The following SNX29 variants were observed in gnomAD, a reference collection of about 807,000 sequenced individuals.
The protein encoded by SNX29 is sorting nexin 29, also known as sorting nexin-29.
SNX29 carries 78 observed loss-of-function variants against 102.1 expected under a neutral mutation model. The observed-to-expected ratio is 0.76, with a 90% CI of 0.64 to 0.92. The LOEUF (loss-of-function observed/expected upper bound fraction) is 0.92, where lower values mean the gene tolerates loss of function less well. Among genes scored for constraint, SNX29 ranks in the 40% least tolerant of loss-of-function variants. The probability of loss-of-function intolerance (pLI) is 0.00; values close to 1 mark genes in which losing one functional copy is unlikely to be tolerated. For missense variants in SNX29, 1,280 were observed against 1,061.7 expected (o/e 1.21, Z -2.86); for synonymous variants, 580 against 414.5 (o/e 1.40, Z -4.85).
chr16:12,366,042 C>CAAAAAAAAAAAAAAA (rs55895030), intron 16 of SNX29, among the ~76,000 whole-genome samples: 2 of 72,396 alleles, frequency 2.8e-5, no homozygotes, highest in African/African-American at 4.5e-5. Flanking sequence ...ACTCTTGTCT[C>CAAAAAAAAAAAAAAA]AAAAAAAAAA....
At chr16:12,032,688 A>G (rs577093397) in intron 4 of SNX29, among the ~76,000 whole-genome samples, 1 of 152,250 alleles carries the variant, frequency 6.6e-6, no homozygotes, top group East Asian at 1.9e-4. Flanking sequence ...GCATACACCC[A>G]GAAGGACAAT....
At chr16:12,055,483 A>G (rs1201032737) in intron 8 of SNX29, among the ~76,000 whole-genome samples, 1 of 151,996 alleles carries the variant, frequency 6.6e-6, no homozygotes, top group Non-Finnish European at 1.5e-5. Flanking sequence ...CACCCACCTC[A>G]GCCTCCCAGA....
chr16:12,281,428 C>T (rs1159848586), intron 15 of SNX29, among the ~76,000 whole-genome samples: 2 of 152,130 alleles, frequency 1.3e-5, no homozygotes, highest in African/African-American at 2.4e-5. Flanking sequence ...GCCATAAAGC[C>T]CTCTTTAAAT....
chr16:12,531,730 A>T lies in SNX29; in HGVS notation c.2318+6889A>T, dbSNP rs115955584. On this transcript the variant is annotated intron_variant, in intron 20 of 20. Transcript: ENST00000566228. ...GGAGGGGAAGCCCGCTTGGGAGCAG[A>T]TGAGATGAAAAGGAAGCATTGGGGT... Among the ~76,000 whole-genome samples, 1,409 of 152,262 alleles carry T rather than the reference A, an allele frequency of 9.3e-3. 15 individuals carry two copies. The highest frequency in any genetic ancestry group is 0.032 in the African/African-American group (1,319 of 41,536).
intron 20 of SNX29, among the ~76,000 whole-genome samples, chr16:12,567,387 G>T (rs1228476552): frequency 6.6e-6 from 1 of 152,152 alleles, no homozygotes; most frequent in Admixed American, 6.5e-5. Flanking sequence ...ATCCCAGTGA[G>T]GTATTTACTT....
chr16:12,493,748 C>T (rs182801840), intron 19 of SNX29, among the ~76,000 whole-genome samples: 35 of 152,286 alleles, frequency 2.3e-4, no homozygotes, highest in East Asian at 1.4e-3. Context: ...CATGCCACCA[C>T]GCCCAACTAA....
chr16:12,062,717 T>C (rs978446388), intron 9 of SNX29, among the ~76,000 whole-genome samples: 1 of 152,184 alleles, frequency 6.6e-6, no homozygotes, highest in African/African-American at 2.4e-5. Flanking sequence ...ATTTAGGAAA[T>C]TATGACTGGA....
intron 16 of SNX29, among the ~76,000 whole-genome samples, chr16:12,384,217 T>G (rs1392050982): frequency 6.7e-6 from 1 of 148,320 alleles, no homozygotes; most frequent in Non-Finnish European, 1.5e-5. Flanking sequence ...ACTGATTTTC[T>G]TTCTTTCGGG....
chr16:12,296,469 A>C (rs2079985627), intron 15 of SNX29, among the ~76,000 whole-genome samples: 1 of 152,242 alleles, frequency 6.6e-6, no homozygotes, highest in Non-Finnish European at 1.5e-5. Context: ...GATCATTACT[A>C]GGCCAGCAGA....
intron 1 of SNX29, among the ~76,000 whole-genome samples, chr16:11,994,187 A>G (rs888795458): frequency 6.6e-6 from 1 of 152,182 alleles, no homozygotes; most frequent in African/African-American, 2.4e-5. Flanking sequence ...TCCCGTGCAC[A>G]TGAGGATTCT....
chr16:12,338,480 G>A (rs1347243077), intron 15 of SNX29, among the ~76,000 whole-genome samples: 2 of 152,198 alleles, frequency 1.3e-5, no homozygotes, highest in African/African-American at 2.4e-5. Context: ...TGCATCAGGC[G>A]TTGTGCACAG....
intron 15 of SNX29, among the ~76,000 whole-genome samples, chr16:12,300,755 C>T (rs557584021): frequency 6.6e-6 from 1 of 152,270 alleles, no homozygotes; most frequent in African/African-American, 2.4e-5. Context: ...TCAAACTCAG[C>T]CTTGATGACA....
intron 14 of SNX29, among the ~76,000 whole-genome samples, chr16:12,243,369 C>G (rs1377996340): frequency 6.6e-6 from 1 of 152,222 alleles, no homozygotes; most frequent in Non-Finnish European, 1.5e-5. Context: ...TTCTGCTGCC[C>G]TGCCATTCCT....
chr16:12,056,783 G>A (rs1158984060), intron 8 of SNX29, among the ~76,000 whole-genome samples: 4 of 151,946 alleles, frequency 2.6e-5, no homozygotes, highest in South Asian at 4.1e-4. Context: ...TTTTTATTAC[G>A]GTCAGGTTTT....
chr16:12,555,548 T>G (rs116072526), intron 20 of SNX29, among the ~76,000 whole-genome samples: 2,321 of 151,044 alleles, frequency 0.015, 55 homozygotes, highest in African/African-American at 0.053. Flanking sequence ...GGTCATACCG[T>G]GGGTTTGAGC....
At chr16:12,211,707 C>G (rs1441965228) in intron 14 of SNX29, among the ~76,000 whole-genome samples, 1 of 152,168 alleles carries the variant, frequency 6.6e-6, no homozygotes, top group Non-Finnish European at 1.5e-5. Flanking sequence ...TGTTGCAACT[C>G]AAGTCCAAAG....
At chr16:12,032,255 G>A (rs184413253) in intron 4 of SNX29, among the ~76,000 whole-genome samples, 5 of 148,192 alleles carry the variant, frequency 3.4e-5, no homozygotes, top group African/African-American at 1.0e-4. Context: ...GTTTGCTGGA[G>A]TACAGTAAGT....
intron 20 of SNX29, among the ~76,000 whole-genome samples, chr16:12,552,405 G>A (rs1044631854): frequency 6.6e-6 from 1 of 152,222 alleles, no homozygotes; most frequent in African/African-American, 2.4e-5. Flanking sequence ...CAGAGCAGTG[G>A]TGAGGACGTG....
intron 18 of SNX29, among the ~76,000 whole-genome samples, chr16:12,407,541 A>G (rs2084216126): frequency 6.6e-6 from 1 of 152,256 alleles, no homozygotes; most frequent in Non-Finnish European, 1.5e-5. Context: ...ATATTTGGGT[A>G]GCACTATAAA....
Sources: gnomAD v4.1 joint callset for allele counts (sites outside exome capture counted in the v4.1 genomes callset) on GRCh38, gnomAD v4.1.1 for gene constraint, MANE v1.5 for transcripts, NCBI Gene and HGNC (gene_info 2026-07-23, HGNC 2026-07-21) for gene names.